Variants in PLD2 observed in about 807,000 individuals in gnomAD.
The protein encoded by PLD2 is phospholipase D2.
In PLD2, 101 loss-of-function variants were observed where a neutral mutation model predicts 119.8. That is an observed-to-expected ratio of 0.84 (90% CI 0.72 to 0.99). The LOEUF (loss-of-function observed/expected upper bound fraction) is 0.99, where lower values mean the gene tolerates loss of function less well. Among genes scored for constraint, PLD2 ranks in the 50% least tolerant of loss-of-function variants. The probability of loss-of-function intolerance (pLI) is 0.00; values close to 1 mark genes in which losing one functional copy is unlikely to be tolerated. For missense variants in PLD2, 1,164 were observed against 1,226.8 expected (o/e 0.95, Z 0.76); for synonymous variants, 494 against 482.8 (o/e 1.02, Z -0.30).
In PLD2 at chr17:4,808,274, G is replaced by A. The variant is rs149200635; in HGVS notation, c.241G>A (p.Val81Met). The change falls in exon 4 of 25, where the codon GTG becomes ATG. Residue 81 changes from valine to methionine, a missense_variant and splice_region_variant. By Grantham distance (21) the Val-to-Met change is conservative. Coordinates refer to ENST00000263088, the MANE Select transcript of PLD2 (RefSeq NM_002663.5). This position sits in a 1 kb window ranked among gnomAD's most constrained non-coding sequence, Gnocchi z 4.1. The stretch of plus-strand genomic sequence containing the variant: ...TCCATTCAGTTCCTCATACCCCTAG[G>A]TGGGAACCTGCACTCTGTATTCTGT... ...GTERYTSGSK[V>M]GTCTLYSVRL... The A allele has an allele frequency of 2.0e-5, 32 of 1,613,826 alleles. No homozygotes were observed. In the African/African-American group the frequency reaches 4.0e-4, roughly 20 times the overall value.
chr17:4,816,382 C>CAA (rs113078659), intron 14 of PLD2, among the ~76,000 whole-genome samples: 5 of 129,486 alleles, frequency 3.9e-5, no homozygotes, highest in African/African-American at 5.6e-5. Context: ...GACTCTGTCT[C>CAA]AAAAAAAAAA....
Position 4,818,562 on chromosome 17 carries a change from C to G in PLD2, c.2078C>G (p.Thr693Arg), listed in dbSNP as rs116011301. 259 of 1,613,970 alleles carry G rather than the reference C, an allele frequency of 1.6e-4. 1 individual carries two copies. The African/African-American group carries it at 3.2e-3, about 20-fold the overall frequency. The change falls in exon 20 of 25, where the codon ACG becomes AGG. Residue 693 changes from threonine to arginine, a missense_variant. Physicochemically the swap from Thr to Arg is moderately conservative, Grantham distance 71. Transcript: ENST00000263088. The part of the protein sequence containing the change: ...LLPGFEGDIS[T>R]GGGNSIQAIL... ...CCTGGCTTCGAGGGTGACATCTCCA[C>G]GGGCGGTGGCAACTCCATCCAGGCC... is the stretch of plus-strand genomic sequence containing the variant.
rs2150665574 is a variant in PLD2, at chr17:4,807,164, T to TG, written c.-62dup. On this transcript the variant is annotated 5_prime_UTR_variant, in exon 1 of 25. Coordinates refer to ENST00000263088, the MANE Select transcript of PLD2 (RefSeq NM_002663.5). The surrounding 1 kb of genome is among the most constrained non-coding windows in gnomAD (Gnocchi z 5.4). The stretch of plus-strand genomic sequence containing the variant: ...CCTCGGCCGGGGCGTGGGCTCCGGC[T>TG]GCAGCTCCGGTCTGCTCTCTTGGCT... 1 of 151,000 alleles carries TG rather than the reference T, an allele frequency of 6.6e-6. No individual in the cohort carries two copies. The highest frequency in any genetic ancestry group is 1.5e-5 in the Non-Finnish European group (1 of 67,596). 9.4% of individuals were successfully genotyped at this position (151,000 alleles called of 1,614,324 possible). A position where few individuals can be genotyped will look rare whatever the true frequency, so the allele number is the denominator to read the frequency against.
chr17:4,810,407 G>T (rs2150669586), intron 9 of PLD2, among the ~76,000 whole-genome samples: 1 of 152,254 alleles, frequency 6.6e-6, no homozygotes. Flanking sequence ...CACTTTGGGA[G>T]GCCGAGGCGG....
chr17:4,819,219 G>C lies in PLD2; in HGVS notation c.2308+1G>C. 6.2e-7 allele frequency: 1 copy of C among 1,613,968 alleles called. No homozygotes were observed. The highest frequency in any genetic ancestry group is 8.5e-7 in the Non-Finnish European group (1 of 1,179,998). On this transcript the variant is annotated splice_donor_variant, in intron 22 of 24. Transcript: ENST00000263088. LOFTEE classifies it high-confidence loss of function. The surrounding 1 kb of genome is among the most constrained non-coding windows in gnomAD (Gnocchi z 4.2). ...GCAGATGACCGGACAGTCATCATTG[G>C]TCAGTGCCGGATCTAGTCCTCTGGC...
chr17:4,819,242 G>C lies in PLD2; in HGVS notation c.2308+24G>C, dbSNP rs1466727817. On this transcript the variant is annotated intron_variant, in intron 22 of 24. Transcript: ENST00000263088. The surrounding 1 kb of genome is among the most constrained non-coding windows in gnomAD (Gnocchi z 4.2). ...TGGTCAGTGCCGGATCTAGTCCTCT[G>C]GCAGGGAGAGGGTGTGGGGACAGGC... The C allele has an allele frequency of 1.9e-6, 3 of 1,613,158 alleles. No homozygotes were observed. The highest frequency in any genetic ancestry group is 1.7e-6 in the Non-Finnish European group (2 of 1,179,690).
At position 4,807,645 on chromosome 17, in the gene PLD2, C is replaced by T; in HGVS notation, c.-1-127C>T. 1 of 616,214 alleles carries T rather than the reference C, an allele frequency of 1.6e-6. No individual in the cohort carries two copies. The highest frequency in any genetic ancestry group is 2.7e-5 in the East Asian group (1 of 36,682). 38.2% of individuals were successfully genotyped at this position (616,214 alleles called of 1,614,324 possible). ...GCGTTGCAAACTGGTCAGGCGTCAT[C>T]CGCGGGCGGTCAGGAGGCCGTGGGG... On this transcript the variant is annotated intron_variant, in intron 1 of 24. Coordinates refer to ENST00000263088, the MANE Select transcript of PLD2 (RefSeq NM_002663.5). This position sits in a 1 kb window ranked among gnomAD's most constrained non-coding sequence, Gnocchi z 5.4.
chr17:4,816,518 T>G, intron 14 of PLD2, 102 bp from the exon 15 acceptor site: 1 of 1,226,604 alleles, frequency 8.2e-7, no homozygotes, highest in Non-Finnish European at 1.2e-6. Flanking sequence ...TCATTCTTCC[T>G]CTCGGTCTCT....
rs747548504 is a variant in PLD2 at position 4,808,496 on chromosome 17, A to G, written c.383+80A>G. ...CTGTCTGTCTCACCCCGGGGCCACA[A>G]CCTTTCCTCCCTGCAACTCTGGCCA... On this transcript the variant is annotated intron_variant, in intron 4 of 24. Transcript: ENST00000263088. The surrounding 1 kb of genome is among the most constrained non-coding windows in gnomAD (Gnocchi z 4.1). The G allele has an allele frequency of 6.3e-6, 9 of 1,419,006 alleles. No individual in the cohort carries two copies. Among genetic ancestry groups the G allele is most frequent in the Middle Eastern group, 2.3e-4 (1 of 4,256 alleles). The allele number at this position is 1,419,006 out of a possible 1,614,324, so 87.9% of individuals were successfully genotyped here.
chr17:4,811,124 T>C (rs1046360282), intron 10 of PLD2, among the ~76,000 whole-genome samples, 173 bp downstream of exon 10: 32 of 85,856 alleles, frequency 3.7e-4, no homozygotes, highest in African/African-American at 1.5e-3. Flanking sequence ...TTGATCTCTC[T>C]GATTTCGCGC....
rs1906788237 is a variant in PLD2 at position 4,814,617 on chromosome 17, C to T, written c.1095-16C>T. On this transcript the variant is annotated splice_polypyrimidine_tract_variant and intron_variant, in intron 11 of 24. Coordinates refer to ENST00000263088, the MANE Select transcript of PLD2 (RefSeq NM_002663.5). ...TGGGGCTTCGTTTGCCCCTAATCCA[C>T]TGCCCTGAATCCCAGGTTGAGTCCT... 1 of 1,614,088 alleles carries T rather than the reference C, an allele frequency of 6.2e-7. No individual in the cohort carries two copies. Among genetic ancestry groups the T allele is most frequent in the Non-Finnish European group, 8.5e-7 (1 of 1,179,984 alleles).
chr17:4,817,598 G>A, intron 17 of PLD2, among the ~76,000 whole-genome samples: 1 of 146,780 alleles, frequency 6.8e-6, no homozygotes, highest in East Asian at 2.1e-4. Flanking sequence ...GGAGGAGGAT[G>A]TTGTAGTGAG....
rs971212923 is a variant in PLD2 at position 4,821,040 on chromosome 17, T to C, written c.2463-753T>C. 3.4e-5 allele frequency among the ~76,000 whole-genome samples: 5 copies of C among 148,642 alleles called. No homozygotes were observed. The East Asian group carries it at 6.1e-4, about 18-fold the overall frequency. On this transcript the variant is annotated intron_variant, in intron 23 of 24. Coordinates refer to ENST00000263088, the MANE Select transcript of PLD2 (RefSeq NM_002663.5). ...GCCTCAGCCTCCCGAGTAGCTGGGA[T>C]TACAGGCGCCCGCCACCATGCCCAG...
intron 10 of PLD2, among the ~76,000 whole-genome samples, chr17:4,811,894 A>G (rs933798092): frequency 8.6e-5 from 13 of 152,044 alleles, no homozygotes; most frequent in Non-Finnish European, 2.9e-5. Flanking sequence ...GGCTCACGGC[A>G]ACTTCAACCT....
At position 4,819,091 on chromosome 17, in the gene PLD2, A is replaced by G; in HGVS notation, c.2181A>G (p.Thr727=). Residue 727 remains threonine, a synonymous_variant, in exon 22 of 25, where the codon ACA becomes ACG. Coordinates refer to ENST00000263088, the MANE Select transcript of PLD2 (RefSeq NM_002663.5). The surrounding 1 kb of genome is among the most constrained non-coding windows in gnomAD (Gnocchi z 4.2). ...TCCCCTCCTGTCACGCAGTGGGGAC[A>G]GCATGGCGGGACTATATTTCCATCT... is the stretch of plus-strand genomic sequence containing the variant. ...ILHRLKAAMG[T]AWRDYISICG... The G allele has an allele frequency of 6.2e-7, 1 of 1,614,208 alleles. No individual in the cohort carries two copies. Among genetic ancestry groups the G allele is most frequent in the Middle Eastern group, 1.7e-4 (1 of 6,060 alleles).
chr17:4,819,262 A>G lies in PLD2; in HGVS notation c.2308+44A>G, dbSNP rs1328191852. The G allele has an allele frequency of 6.2e-7, 1 of 1,610,772 alleles. No homozygotes were observed. The highest frequency in any genetic ancestry group is 8.5e-7 in the Non-Finnish European group (1 of 1,178,514). On this transcript the variant is annotated intron_variant, in intron 22 of 24. Transcript: ENST00000263088. This position sits in a 1 kb window ranked among gnomAD's most constrained non-coding sequence, Gnocchi z 4.2. ...CCTCTGGCAGGGAGAGGGTGTGGGG[A>G]CAGGCGAAGAGATGAGAGGCAGGAT...
In PLD2 at chr17:4,817,039, G is replaced by T. The variant is rs189140524; in HGVS notation, c.1685G>T (p.Arg562Leu). ...ARDLARHFIQ[R>L]WNFTKTTKAK... Reference sequence around the variant, plus strand: ...GACCTTGCCCGGCACTTCATCCAGCGCTGGAACTTCACCAAGGTGTTCATT... The same window carrying T: ...GACCTTGCCCGGCACTTCATCCAGCTCTGGAACTTCACCAAGGTGTTCATT... The change falls in exon 16 of 25, where the codon CGC becomes CTC. Residue 562 changes from arginine to leucine, a missense_variant. By Grantham distance (102) the Arg-to-Leu change is moderately radical. Transcript: ENST00000263088. The T allele has an allele frequency of 8.1e-6, 13 of 1,613,678 alleles. No homozygotes were observed. In the East Asian group the frequency reaches 2.5e-4, roughly 30 times the overall value.
At position 4,819,596 on chromosome 17, in the gene PLD2, G is replaced by A. The variant is rs375600346; in HGVS notation, c.2462+14G>A. ...GCACTGCTTCGGGTAGAGCTGGGGC[G>A]GGATGCCACAGGGTGGGAGGGAGAT... On this transcript the variant is annotated intron_variant, in intron 23 of 24. Transcript: ENST00000263088. This position sits in a 1 kb window ranked among gnomAD's most constrained non-coding sequence, Gnocchi z 4.2. 2.2e-5 allele frequency: 35 copies of A among 1,597,672 alleles called. No homozygotes were observed. Among genetic ancestry groups the A allele is most frequent in the East Asian group, 6.7e-5 (3 of 44,758 alleles).
chr17:4,807,960 C>T lies in PLD2; in HGVS notation c.110-24C>T. 4 of 1,606,308 alleles carry T rather than the reference C, an allele frequency of 2.5e-6. No homozygotes were observed. Among genetic ancestry groups the T allele is most frequent in the South Asian group, 1.1e-5 (1 of 90,770 alleles). On this transcript the variant is annotated intron_variant, in intron 2 of 24. Coordinates refer to ENST00000263088, the MANE Select transcript of PLD2 (RefSeq NM_002663.5). The surrounding 1 kb of genome is among the most constrained non-coding windows in gnomAD (Gnocchi z 5.4). ...GGGCTGGGGCCTGTTGTGGTCTACA[C>T]TCCTCGACTTTCTTTCCTCCCAGCC...
Sources: allele counts gnomAD v4.1 joint callset (sites outside exome capture counted in the v4.1 genomes callset), GRCh38; gene constraint gnomAD v4.1.1; non-coding constraint Gnocchi (gnomAD v3.1); transcripts MANE v1.5; gene names NCBI Gene and HGNC (gene_info 2026-07-23, HGNC 2026-07-21).